The following GABRA5 variants were observed in gnomAD, a reference collection of about 807,000 sequenced individuals.
GABRA5 encodes gamma-aminobutyric acid receptor subunit alpha-5.
A neutral mutation model predicts 47.3 loss-of-function variants in GABRA5; 18 were observed. The observed-to-expected ratio is 0.38, with a 90% CI of 0.26 to 0.56. The LOEUF is 0.56. GABRA5 is among the 20% of genes least tolerant of loss of function. The probability of loss-of-function intolerance (pLI) is 0.71; values close to 1 mark genes in which losing one functional copy is unlikely to be tolerated. For synonymous variants in GABRA5, 237 were observed against 229.3 expected (o/e 1.03, Z -0.30); for missense variants, 365 against 599.3 (o/e 0.61, Z 4.08).
chr15:26,922,388 T>A (rs1476916299), intron 7 of GABRA5, among the ~76,000 whole-genome samples: 2 of 152,200 alleles, frequency 1.3e-5, no homozygotes, highest in East Asian at 3.8e-4. Flanking sequence ...GTGGCCAGTC[T>A]TGCTTTCTTT....
Position 26,883,567 on chromosome 15 carries a change from G to C in GABRA5, c.497+10G>C, listed in dbSNP as rs756143877. ...TGCTCTACACCATGCGGTGAGCGCCGGGCGGGGGCGGGCGGGGCCGGGGGA... is the reference window on the plus strand; with the variant it reads ...TGCTCTACACCATGCGGTGAGCGCCCGGCGGGGGCGGGCGGGGCCGGGGGA... On this transcript the variant is annotated intron_variant, in intron 6 of 10. Transcript: ENST00000335625. This position sits in a 1 kb window ranked among gnomAD's most constrained non-coding sequence, Gnocchi z 4.8. 201 of 1,524,474 alleles carry C rather than the reference G, an allele frequency of 1.3e-4. 1 individual carries two copies. Among genetic ancestry groups the C allele is most frequent in the Non-Finnish European group, 1.7e-4 (194 of 1,122,520 alleles). 94.4% of individuals were successfully genotyped at this position (1,524,474 alleles called of 1,614,324 possible). A position where few individuals can be genotyped will look rare whatever the true frequency, so the allele number is the denominator to read the frequency against.
At position 26,948,083 on chromosome 15, in the gene GABRA5, T is replaced by C. The variant is rs892946639; in HGVS notation, c.1239T>C (p.Ser413=). Residue 413 remains serine, a synonymous_variant, in exon 11 of 11, where the codon TCT becomes TCC. Coordinates refer to ENST00000335625, the MANE Select transcript of GABRA5 (RefSeq NM_000810.4). ...VSVKPSEEKT[S]ESKKTYNSIS... Reference sequence around the variant, plus strand: ...TAAAACCCTCTGAAGAGAAGACTTCTGAAAGCAAAAAGACTTACAACAGTA... The same window carrying C: ...TAAAACCCTCTGAAGAGAAGACTTCCGAAAGCAAAAAGACTTACAACAGTA... 1.2e-6 allele frequency: 2 copies of C among 1,611,738 alleles called. No individual in the cohort carries two copies. Among genetic ancestry groups the C allele is most frequent in the African/African-American group, 2.7e-5 (2 of 74,922 alleles).
chr15:26,900,208 T>C (rs1416594915), intron 6 of GABRA5, among the ~76,000 whole-genome samples: 2 of 152,146 alleles, frequency 1.3e-5, no homozygotes, highest in Non-Finnish European at 2.9e-5. Context: ...AATTGTATCT[T>C]TACACATAGT....
chr15:26,883,697 C>A lies in GABRA5; in HGVS notation c.497+140C>A. The A allele has an allele frequency of 1.5e-6, 1 of 679,028 alleles. No individual in the cohort carries two copies. The highest frequency in any genetic ancestry group is 3.0e-5 in the East Asian group (1 of 33,158). 42.1% of individuals were successfully genotyped at this position (679,028 alleles called of 1,614,324 possible). The stretch of plus-strand genomic sequence containing the variant: ...CGGCGCGTGTGTGCTGGGGGTTCCC[C>A]GTTGCCATCTGCCCACACCAGCGCT... On this transcript the variant is annotated intron_variant, in intron 6 of 10. Coordinates refer to ENST00000335625, the MANE Select transcript of GABRA5 (RefSeq NM_000810.4). This position sits in a 1 kb window ranked among gnomAD's most constrained non-coding sequence, Gnocchi z 4.8.
chr15:26,897,311 C>T (rs1272803950), intron 6 of GABRA5, among the ~76,000 whole-genome samples: 1 of 152,076 alleles, frequency 6.6e-6, no homozygotes, highest in African/African-American at 2.4e-5. Flanking sequence ...GATCCTTATA[C>T]AATGAGGAGA....
chr15:26,886,442 G>C (rs1006998957), intron 6 of GABRA5, among the ~76,000 whole-genome samples: 1 of 152,150 alleles, frequency 6.6e-6, no homozygotes, highest in African/African-American at 2.4e-5. Flanking sequence ...GAATGGGGCC[G>C]CCTACTGAGT....
At chr15:26,911,398 A>ACACACACACACAC (rs1566877398) in intron 6 of GABRA5, among the ~76,000 whole-genome samples, 2 of 96,778 alleles carry the variant, frequency 2.1e-5, no homozygotes, top group East Asian at 4.7e-4. Context: ...CACACACACA[A>ACACACACACACAC]ACACACACAC....
intron 3 of GABRA5, among the ~76,000 whole-genome samples, chr15:26,874,304 A>C (rs1373243793): frequency 6.9e-6 from 1 of 145,338 alleles, no homozygotes; most frequent in African/African-American, 2.6e-5. Context: ...TATCCCCTTA[A>C]TATTCACAAT....
intron 7 of GABRA5, among the ~76,000 whole-genome samples, chr15:26,924,158 C>CTTTTT (rs536989357): frequency 7.3e-5 from 9 of 123,762 alleles, no homozygotes; most frequent in East Asian, 2.3e-4. Context: ...TAATACAAGG[C>CTTTTT]TTTTTTTTTT....
intron 7 of GABRA5, among the ~76,000 whole-genome samples, chr15:26,931,604 A>C (rs1458339589): frequency 6.6e-6 from 1 of 152,236 alleles, no homozygotes; most frequent in Non-Finnish European, 1.5e-5. Flanking sequence ...AGAAGCATGA[A>C]CCATGGCCTG....
rs936170880 is a variant in GABRA5, at chr15:26,879,506, G to A, written c.87-1340G>A. The stretch of plus-strand genomic sequence containing the variant: ...ACATCTGTGGGCTCCGTACTAACAG[G>A]AGTGAATTTTAGCTTGTTAGAGCTT... On this transcript the variant is annotated intron_variant, in intron 3 of 10. Transcript: ENST00000335625. Among the ~76,000 whole-genome samples, 5 of 152,138 alleles carry A rather than the reference G, an allele frequency of 3.3e-5. No homozygotes were observed. The South Asian group carries it at 6.2e-4, about 19-fold the overall frequency.
chr15:26,871,378 A>G (rs554063463), intron 3 of GABRA5, among the ~76,000 whole-genome samples: 2 of 152,280 alleles, frequency 1.3e-5, no homozygotes, highest in African/African-American at 4.8e-5. Context: ...TTAGTTCTGT[A>G]GCTTGCTGAG....
intron 6 of GABRA5, among the ~76,000 whole-genome samples, chr15:26,890,709 AC>A (rs1892985866): frequency 6.6e-6 from 1 of 152,184 alleles, no homozygotes; most frequent in African/African-American, 2.4e-5. Context: ...CGTCTTTTGG[AC>A]ATATATGTCT....
At chr15:26,900,076 C>T (rs954215665) in intron 6 of GABRA5, among the ~76,000 whole-genome samples, 3 of 151,808 alleles carry the variant, frequency 2.0e-5, no homozygotes, top group African/African-American at 7.3e-5. Flanking sequence ...AGTGGTTACC[C>T]TGCGGAATAA....
rs866474289 is a variant in GABRA5, at chr15:26,930,010, T to C, written c.581-7175T>C. Among the ~76,000 whole-genome samples the C allele has an allele frequency of 2.6e-4, 39 of 147,422 alleles. 1 individual carries two copies. Among genetic ancestry groups the C allele is most frequent in the East Asian group, 1.8e-3 (9 of 4,986 alleles). On this transcript the variant is annotated intron_variant, in intron 7 of 10. Transcript: ENST00000335625. ...CTTCTTCTTCTTCTTCTTCTTCTTT[T>C]TTTTTTTTTTTTGTTTTTTGTTTTT...
At chr15:26,924,399 C>T (rs1049067109) in intron 7 of GABRA5, among the ~76,000 whole-genome samples, 7 of 152,076 alleles carry the variant, frequency 4.6e-5, no homozygotes, top group Non-Finnish European at 8.8e-5. Context: ...TCACTGACAC[C>T]ATATGCATGG....
At chr15:26,947,497 C>G (rs1380828273) in intron 10 of GABRA5, among the ~76,000 whole-genome samples, 1 of 152,180 alleles carries the variant, frequency 6.6e-6, no homozygotes, top group Non-Finnish European at 1.5e-5. Flanking sequence ...ATAATGGCCT[C>G]CAGCTCCATC....
rs540750874 is a variant in GABRA5, at chr15:26,940,857, AC to A, written c.877+782del. Among the ~76,000 whole-genome samples, 14 of 152,282 alleles carry A rather than the reference AC, an allele frequency of 9.2e-5. No homozygotes were observed. The South Asian group carries it at 2.7e-3, about 29-fold the overall frequency. On this transcript the variant is annotated intron_variant, in intron 9 of 10. Transcript: ENST00000335625. The stretch of plus-strand genomic sequence containing the variant: ...ACAGTTGAGCGTCTGAGTCTTAATT[AC>A]CTCGAAGCTCAGCTTCCTCAGATTC...
Position 26,948,203 on chromosome 15 carries a change from G to A in GABRA5, c.1359G>A (p.Pro453=), listed in dbSNP as rs372663352. ...GGGCAACGTATTTGAATAGGGAGCC[G>A]GTGATAAAAGGAGCCGCCTCTCCAA... is the stretch of plus-strand genomic sequence containing the variant. ...VYWATYLNRE[P]VIKGAASPK Residue 453 remains proline, a synonymous_variant, in exon 11 of 11, where the codon CCG becomes CCA. Transcript: ENST00000335625. 4.7e-5 allele frequency: 76 copies of A among 1,612,628 alleles called. No homozygotes were observed. The highest frequency in any genetic ancestry group is 4.1e-4 in the African/African-American group (31 of 74,842).
Sources: allele counts gnomAD v4.1 joint callset (sites outside exome capture counted in the v4.1 genomes callset), GRCh38; gene constraint gnomAD v4.1.1; non-coding constraint Gnocchi (gnomAD v3.1); transcripts MANE v1.5; gene names NCBI Gene and HGNC (gene_info 2026-07-23, HGNC 2026-07-21).